Variants in TRMT9B observed in about 807,000 individuals in gnomAD.
TRMT9B encodes tRNA methyltransferase 9B (putative).
TRMT9B carries 16 observed loss-of-function variants against 11.5 expected under a neutral mutation model. That is an observed-to-expected ratio of 1.39 (90% CI 0.94 to 2.11). TRMT9B has a LOEUF of 2.11. TRMT9B is among the 30% of genes most tolerant of loss of function. TRMT9B has a pLI of 0.00. For missense variants in TRMT9B, 941 were observed against 553.8 expected, an observed-to-expected ratio of 1.70 and a Z score of -7.02; for synonymous variants, 274 against 192.4, an observed-to-expected ratio of 1.42 and a Z score of -3.51.
In TRMT9B at chr8:13,023,638, A is replaced by T. The variant is rs1264154322; in HGVS notation, c.*1594A>T. The stretch of plus-strand genomic sequence containing the variant: ...GGAGTACAGTCTCAAGTAGTTCATT[A>T]ATGAGAAAATTGACATCTGACAAGA... On this transcript the variant is annotated 3_prime_UTR_variant, in exon 5 of 5. Coordinates refer to ENST00000524591, the MANE Select transcript of TRMT9B (RefSeq NM_020844.3). The T allele has an allele frequency of 1.8e-5, 3 of 167,090 alleles. No individual in the cohort carries two copies. The highest frequency in any genetic ancestry group is 4.4e-5 in the Non-Finnish European group (3 of 68,116). The allele number at this position is 167,090 out of a possible 1,614,324, so 10.4% of individuals were successfully genotyped here.
Position 13,021,390 on chromosome 8 carries a change from T to A in TRMT9B, c.711T>A (p.Tyr237Ter), listed in dbSNP as rs1281955435. 1 of 1,614,098 alleles carries A rather than the reference T, an allele frequency of 6.2e-7. No individual in the cohort carries two copies. Among genetic ancestry groups the A allele is most frequent in the South Asian group, 1.1e-5 (1 of 91,092 alleles). ...ANISKEGEEE[Y>*]GFYSTLGKSF... Reference sequence around the variant, plus strand: ...TTTCTAAGGAAGGCGAGGAAGAATATGGATTTTACAGCACATTAGGAAAAT... The same window carrying A: ...TTTCTAAGGAAGGCGAGGAAGAATAAGGATTTTACAGCACATTAGGAAAAT... The change falls in exon 5 of 5, where the codon TAT (tyrosine) becomes TAA (stop). Residue 237 changes from tyrosine (Y) to a stop codon, truncating the protein, a stop_gained. Transcript: ENST00000524591. LOFTEE classifies it low-confidence loss of function (END_TRUNC).
intron 1 of TRMT9B, among the ~76,000 whole-genome samples, chr8:12,983,609 G>A (rs1216129598): frequency 1.3e-5 from 2 of 152,190 alleles, no homozygotes; most frequent in East Asian, 1.9e-4. Context: ...GGCGGAGGTA[G>A]CAGTGAGCCA....
intron 2 of TRMT9B, among the ~76,000 whole-genome samples, chr8:12,995,120 T>G (rs982991132): frequency 2.0e-5 from 3 of 152,224 alleles, no homozygotes; most frequent in Non-Finnish European, 4.4e-5. Context: ...TTTTAATAAT[T>G]TCCTAATACT....
intron 4 of TRMT9B, among the ~76,000 whole-genome samples, chr8:13,017,741 G>C (rs933973965): frequency 6.6e-6 from 1 of 150,796 alleles, no homozygotes; most frequent in Non-Finnish European, 1.5e-5. Context: ...AGTTTCCTGA[G>C]TAACTTGGAC....
intron 1 of TRMT9B, among the ~76,000 whole-genome samples, chr8:12,949,000 C>T (rs1290937803): frequency 2.6e-5 from 4 of 152,072 alleles, no homozygotes; most frequent in Admixed American, 1.3e-4. Context: ...ACGTGTTCAA[C>T]GTTTCATAGT....
At chr8:12,972,645 G>A (rs1465637872) in intron 1 of TRMT9B, among the ~76,000 whole-genome samples, 1 of 152,014 alleles carries the variant, frequency 6.6e-6, no homozygotes, top group African/African-American at 2.4e-5. Flanking sequence ...ACAGAGTCCC[G>A]CCCTCTCCAC....
At chr8:13,010,603 G>A in intron 3 of TRMT9B, 1 of 985,288 alleles carries the variant, frequency 1.0e-6, no homozygotes, top group Non-Finnish European at 1.2e-6. Context: ...AGCATGTCAG[G>A]AGAAAAGACC....
In TRMT9B at chr8:12,994,741, G is replaced by A. The variant is rs535652096; in HGVS notation, c.-2+3710G>A. ...CTGTTGCCCCGGCTGGAGTGCAGTG[G>A]CACGATCTCAGCTCACTGCAACCTC... On this transcript the variant is annotated intron_variant, in intron 2 of 4. Coordinates refer to ENST00000524591, the MANE Select transcript of TRMT9B (RefSeq NM_020844.3). Among the ~76,000 whole-genome samples, 10 of 152,282 alleles carry A rather than the reference G, an allele frequency of 6.6e-5. No individual in the cohort carries two copies. The East Asian group carries it at 1.7e-3, about 26-fold the overall frequency.
chr8:12,999,414 G>A (rs551429991), intron 2 of TRMT9B, among the ~76,000 whole-genome samples: 1 of 151,872 alleles, frequency 6.6e-6, no homozygotes, highest in South Asian at 2.1e-4. Flanking sequence ...GTGTCTTGAT[G>A]GTTTCACACA....
Position 13,017,336 on chromosome 8 carries a change from C to T in TRMT9B, c.329-3672C>T, listed in dbSNP as rs954451948. 9.9e-5 allele frequency among the ~76,000 whole-genome samples: 15 copies of T among 152,194 alleles called. 1 individual carries two copies. Among genetic ancestry groups the T allele is most frequent in the Admixed American group, 7.8e-4 (12 of 15,300 alleles). ...TAACTTCTCATCTGAATCTGGAATC[C>T]AGTAATTGAATTCAACCTACCTACT... is the stretch of plus-strand genomic sequence containing the variant. On this transcript the variant is annotated intron_variant, in intron 4 of 4. Coordinates refer to ENST00000524591, the MANE Select transcript of TRMT9B (RefSeq NM_020844.3).
intron 1 of TRMT9B, among the ~76,000 whole-genome samples, chr8:12,948,999 A>G (rs73204871): frequency 0.017 from 2,662 of 152,238 alleles, 43 homozygotes; most frequent in Non-Finnish European, 0.027. Flanking sequence ...CACGTGTTCA[A>G]CGTTTCATAG....
chr8:12,977,425 G>C (rs73204351), intron 1 of TRMT9B, among the ~76,000 whole-genome samples: 12,613 of 152,180 alleles, frequency 0.083, 622 homozygotes, highest in African/African-American at 0.11. Flanking sequence ...ATTCTTGGCC[G>C]GGCGTGGGTG....
chr8:12,988,441 A>T (rs1212991238), intron 1 of TRMT9B, among the ~76,000 whole-genome samples: 2 of 152,240 alleles, frequency 1.3e-5, no homozygotes, highest in Non-Finnish European at 2.9e-5. Flanking sequence ...CAGGCTACTA[A>T]TAAAGACATA....
chr8:12,978,663 A>C (rs1364637945), intron 1 of TRMT9B, among the ~76,000 whole-genome samples: 3 of 152,206 alleles, frequency 2.0e-5, no homozygotes, highest in African/African-American at 7.2e-5. Context: ...TAGCCACTGC[A>C]GGGCATGAAA....
chr8:12,967,747 A>G (rs1032407519), intron 1 of TRMT9B, among the ~76,000 whole-genome samples: 1 of 152,244 alleles, frequency 6.6e-6, no homozygotes, highest in Non-Finnish European at 1.5e-5. Flanking sequence ...TTATGCATAT[A>G]GTGATGGTCA....
At chr8:12,953,823 A>G (rs1216360649) in intron 1 of TRMT9B, among the ~76,000 whole-genome samples, 1 of 152,208 alleles carries the variant, frequency 6.6e-6, no homozygotes, top group Admixed American at 6.5e-5. Flanking sequence ...ACTTATTTAA[A>G]GAAGACCTTG....
At chr8:12,973,389 C>A (rs1007440509) in intron 1 of TRMT9B, among the ~76,000 whole-genome samples, 1 of 152,128 alleles carries the variant, frequency 6.6e-6, no homozygotes, top group Non-Finnish European at 1.5e-5. Context: ...ACACAGAAAG[C>A]TGGATATGTG....
Position 13,021,280 on chromosome 8 carries a change from G to C in TRMT9B, c.601G>C (p.Val201Leu). 1 of 1,613,984 alleles carries C rather than the reference G, an allele frequency of 6.2e-7. No individual in the cohort carries two copies. The highest frequency in any genetic ancestry group is 8.5e-7 in the Non-Finnish European group (1 of 1,179,868). Residue 201 changes from valine (V) to leucine (L), a missense_variant, in exon 5 of 5, where the codon GTT becomes CTT. Val to Leu is a conservative substitution (Grantham distance 32). Transcript: ENST00000524591. Reference sequence around the variant, plus strand: ...TCCTTGCTCTGAGTGTAGCTGTTCTGTTTGTTTTAAAGAGCAGTGTGGTTC... The same window carrying C: ...TCCTTGCTCTGAGTGTAGCTGTTCTCTTTGTTTTAAAGAGCAGTGTGGTTC... ...HPPCSECSCS[V>L]CFKEQCGSKR...
chr8:12,952,182 A>G (rs6993941), intron 1 of TRMT9B: 30,933 of 454,586 alleles, frequency 0.068, 2,193 homozygotes, highest in African/African-American at 0.26. Context: ...GCCAGTCGCC[A>G]CACCGTGCGG....
Sources: gnomAD v4.1 joint callset for allele counts (sites outside exome capture counted in the v4.1 genomes callset) on GRCh38, gnomAD v4.1.1 for gene constraint, MANE v1.5 for transcripts, NCBI Gene and HGNC (gene_info 2026-07-23, HGNC 2026-07-21) for gene names.